The following TANC2 variants were observed in gnomAD, a reference collection of about 807,000 sequenced individuals.
The protein encoded by TANC2 is tetratricopeptide repeat, ankyrin repeat and coiled-coil containing 2.
TANC2 carries 26 observed loss-of-function variants against 210.5 expected under a neutral mutation model. The ratio of observed to expected loss-of-function variants is 0.12; its 90% CI spans 0.09 to 0.17. The LOEUF (loss-of-function observed/expected upper bound fraction) is 0.17. TANC2 is among the 10% of genes least tolerant of loss of function. The probability of loss-of-function intolerance (pLI) is 1.00; values close to 1 mark genes in which losing one functional copy is unlikely to be tolerated. For synonymous variants in TANC2, 931 were observed against 967.1 expected, an observed-to-expected ratio of 0.96 and a Z score of 0.69; for missense variants, 2,129 against 2,608.9, an observed-to-expected ratio of 0.82 and a Z score of 4.01.
At chr17:63,353,935 T>C (rs2046701219) in intron 13 of TANC2, among the ~76,000 whole-genome samples, 1 of 151,932 alleles carries the variant, frequency 6.6e-6, no homozygotes, top group Non-Finnish European at 1.5e-5. Flanking sequence ...GCAGCCTGAT[T>C]GGAACAAATG....
At chr17:63,090,209 T>A (rs987299102) in intron 3 of TANC2, among the ~76,000 whole-genome samples, 1 of 123,700 alleles carries the variant, frequency 8.1e-6, no homozygotes, top group African/African-American at 3.7e-5. Context: ...TGACTTTTTT[T>A]TTTGAGTTTT....
chr17:63,000,876 A>C (rs1292986596), intron 1 of TANC2, among the ~76,000 whole-genome samples: 1 of 151,916 alleles, frequency 6.6e-6, no homozygotes, highest in East Asian at 1.9e-4. Flanking sequence ...TAACTTGAGG[A>C]AAATCATTTA....
intron 9 of TANC2, among the ~76,000 whole-genome samples, chr17:63,298,926 C>T (rs1280344384): frequency 6.6e-6 from 1 of 152,122 alleles, no homozygotes; most frequent in Admixed American, 6.6e-5. Flanking sequence ...CCCTTGCCCC[C>T]ACATCCCCCG....
intron 3 of TANC2, among the ~76,000 whole-genome samples, chr17:63,091,152 C>T (rs890096131): frequency 3.9e-5 from 5 of 128,080 alleles, no homozygotes; most frequent in African/African-American, 1.5e-4. Context: ...TTCTCCCATT[C>T]TGTAGGTTGC....
intron 11 of TANC2, chr17:63,320,350 A>C (rs1280273991): frequency 6.6e-6 from 1 of 152,156 alleles, no homozygotes; most frequent in Non-Finnish European, 1.5e-5. Context: ...CATCGAGCTC[A>C]GTCTGGACCT....
chr17:63,274,010 C>CA, intron 9 of TANC2, among the ~76,000 whole-genome samples: 1 of 152,086 alleles, frequency 6.6e-6, no homozygotes, highest in African/African-American at 2.4e-5. Context: ...TACAAAAGTG[C>CA]AAAAATGCGT....
At chr17:63,252,447 A>G (rs958542707) in intron 8 of TANC2, among the ~76,000 whole-genome samples, 1 of 152,114 alleles carries the variant, frequency 6.6e-6, no homozygotes, top group Non-Finnish European at 1.5e-5. Flanking sequence ...TGTTGACTAT[A>G]GCCCACCCTG....
At chr17:63,104,554 G>A (rs1041136428) in intron 4 of TANC2, among the ~76,000 whole-genome samples, 1 of 152,124 alleles carries the variant, frequency 6.6e-6, no homozygotes, top group Admixed American at 6.5e-5. Context: ...AGCTTGATCA[G>A]ATTTGAAAAT....
chr17:63,264,533 T>C (rs574633540), intron 8 of TANC2, among the ~76,000 whole-genome samples: 2 of 152,276 alleles, frequency 1.3e-5, no homozygotes, highest in South Asian at 2.1e-4. Flanking sequence ...TGGGTTATCA[T>C]TGTGTCTTGA....
chr17:63,098,431 TACACACACACACAC>T (rs67245738), intron 3 of TANC2, among the ~76,000 whole-genome samples: 17 of 93,306 alleles, frequency 1.8e-4, no homozygotes, highest in South Asian at 8.0e-4. Context: ...GGCCTTAGAC[TACACACACACACAC>T]ACACACACAC....
intron 4 of TANC2, among the ~76,000 whole-genome samples, chr17:63,113,622 C>T (rs929332340): frequency 6.6e-6 from 1 of 152,178 alleles, no homozygotes; most frequent in Non-Finnish European, 1.5e-5. Context: ...ATCTTCCCAC[C>T]TCAGCCTCCT....
At chr17:63,035,901 T>G (rs950482581) in intron 2 of TANC2, among the ~76,000 whole-genome samples, 6 of 152,178 alleles carry the variant, frequency 3.9e-5, no homozygotes, top group African/African-American at 1.4e-4. Context: ...TTAGCTATTC[T>G]GTGTGTAGTG....
intron 5 of TANC2, among the ~76,000 whole-genome samples, chr17:63,190,810 G>C (rs1320966577): frequency 6.6e-6 from 1 of 152,094 alleles, no homozygotes; most frequent in Non-Finnish European, 1.5e-5. Flanking sequence ...CCAAAGACCA[G>C]ACAATCTTTA....
In TANC2 at chr17:63,012,610, T is replaced by G. The variant is rs181813097; in HGVS notation, c.67+2984T>G. On this transcript the variant is annotated intron_variant, in intron 2 of 27. Transcript: ENST00000689528. Reference sequence around the variant, plus strand: ...TTCATTCCTTCCTGCACCCCTCACTTTCTAGATAGAAGTAACTTTATCTGA... The same window carrying G: ...TTCATTCCTTCCTGCACCCCTCACTGTCTAGATAGAAGTAACTTTATCTGA... Among the ~76,000 whole-genome samples, 73 of 152,292 alleles carry G rather than the reference T, an allele frequency of 4.8e-4. 1 individual carries two copies. In the East Asian group the frequency reaches 0.012, roughly 25 times the overall value.
At chr17:63,342,211 C>T (rs1232417889) in intron 12 of TANC2, among the ~76,000 whole-genome samples, 1 of 151,650 alleles carries the variant, frequency 6.6e-6, no homozygotes, top group Non-Finnish European at 1.5e-5. Flanking sequence ...TAATGTATAA[C>T]AAGAATTTAA....
intron 1 of TANC2, among the ~76,000 whole-genome samples, chr17:62,975,688 G>A (rs2031964447): frequency 6.6e-6 from 1 of 151,512 alleles, no homozygotes; most frequent in South Asian, 2.1e-4. Context: ...AGTATATATT[G>A]GAAAGAATAT....
At chr17:63,103,053 A>G (rs753491275) in intron 4 of TANC2, among the ~76,000 whole-genome samples, 4 of 151,926 alleles carry the variant, frequency 2.6e-5, no homozygotes, top group Non-Finnish European at 5.9e-5. Context: ...TTTGAGCATA[A>G]TCCAAGGAAG....
chr17:63,353,057 A>C (rs570297543), intron 13 of TANC2, among the ~76,000 whole-genome samples: 2 of 152,284 alleles, frequency 1.3e-5, no homozygotes, highest in South Asian at 4.1e-4. Context: ...TCTCGTTTAA[A>C]AGTGATGAGA....
At chr17:62,982,105 A>T (rs1055894723) in intron 1 of TANC2, among the ~76,000 whole-genome samples, 2 of 152,132 alleles carry the variant, frequency 1.3e-5, no homozygotes, top group Non-Finnish European at 2.9e-5. Context: ...TCAGTCTCCT[A>T]TGGGTCAAAA....
Sources: gnomAD v4.1 joint callset for allele counts (sites outside exome capture counted in the v4.1 genomes callset) on GRCh38, gnomAD v4.1.1 for gene constraint, MANE v1.5 for transcripts, NCBI Gene and HGNC (gene_info 2026-07-23, HGNC 2026-07-21) for gene names.